Variants in FAM98B observed in about 807,000 individuals in gnomAD.
FAM98B encodes the protein tRNA splicing ligase complex subunit 3B.
FAM98B carries 32 observed loss-of-function variants against 43.9 expected under a neutral mutation model. The ratio of observed to expected loss-of-function variants is 0.73; its 90% CI spans 0.55 to 0.98. The LOEUF (loss-of-function observed/expected upper bound fraction) is 0.98. FAM98B is among the 50% of genes least tolerant of loss of function. The pLI is 0.00. For synonymous variants in FAM98B, 190 were observed against 174.0 expected (o/e 1.09, Z -0.72); for missense variants, 514 against 522.9 (o/e 0.98, Z 0.17).
intron 1 of FAM98B, among the ~76,000 whole-genome samples, chr15:38,462,206 A>G (rs1889960112): frequency 6.6e-6 from 1 of 152,218 alleles, no homozygotes; most frequent in South Asian, 2.1e-4. Context: ...TATCTGGAAA[A>G]GGAGACAAAA....
chr15:38,457,659 C>A (rs1265520426), intron 1 of FAM98B, among the ~76,000 whole-genome samples: 1 of 151,944 alleles, frequency 6.6e-6, no homozygotes. Context: ...ATAGGGTATA[C>A]ATACAGACAT....
chr15:38,454,933 G>A lies in FAM98B; in HGVS notation c.71+701G>A, dbSNP rs139114754. Among the ~76,000 whole-genome samples the A allele has an allele frequency of 1.6e-3, 240 of 152,188 alleles. 1 individual carries two copies. The highest frequency in any genetic ancestry group is 3.4e-3 in the Middle Eastern group (1 of 294). ...GCTGTGAGAACTCAGGGTGGAGGTG[G>A]GAGTAATGTTAATACTTAACAAGTG... is the stretch of plus-strand genomic sequence containing the variant. On this transcript the variant is annotated intron_variant, in intron 1 of 7. Coordinates refer to ENST00000397609, the MANE Select transcript of FAM98B (RefSeq NM_173611.4).
At chr15:38,460,094 C>CA (rs1889923682) in intron 1 of FAM98B, among the ~76,000 whole-genome samples, 1 of 152,158 alleles carries the variant, frequency 6.6e-6, no homozygotes, top group Non-Finnish European at 1.5e-5. Context: ...TTGGATCACC[C>CA]AGCTTGAAGT....
intron 4 of FAM98B, among the ~76,000 whole-genome samples, chr15:38,471,666 G>A (rs1278988255): frequency 6.6e-6 from 1 of 152,054 alleles, no homozygotes; most frequent in African/African-American, 2.4e-5. Context: ...ACTCTATTCA[G>A]TTTTTAACCA....
chr15:38,478,154 CA>C (rs1890232269), intron 6 of FAM98B, among the ~76,000 whole-genome samples: 1 of 152,206 alleles, frequency 6.6e-6, no homozygotes, highest in Non-Finnish European at 1.5e-5. Context: ...ATTCTTTCAA[CA>C]TTCAGTGACA....
chr15:38,475,058 A>G (rs1016692461), intron 6 of FAM98B, among the ~76,000 whole-genome samples: 6 of 149,284 alleles, frequency 4.0e-5, no homozygotes, highest in African/African-American at 1.5e-4. Context: ...GTGGAATTTC[A>G]GGTATTATTA....
chr15:38,480,317 C>T (rs1374414381), intron 6 of FAM98B, among the ~76,000 whole-genome samples: 1 of 152,006 alleles, frequency 6.6e-6, no homozygotes, highest in Non-Finnish European at 1.5e-5. Context: ...AAAGATAATC[C>T]TTTCCTTTTC....
Position 38,487,502 on chromosome 15 carries a change from G to T in FAM98B, c.*2843G>T, listed in dbSNP as rs1226973508. 6.6e-6 allele frequency: 1 copy of T among 152,056 alleles called. No homozygotes were observed. Among genetic ancestry groups the T allele is most frequent in the African/African-American group, 2.4e-5 (1 of 41,422 alleles). 9.4% of individuals were successfully genotyped at this position (152,056 alleles called of 1,614,324 possible). On this transcript the variant is annotated 3_prime_UTR_variant, in exon 8 of 8. Coordinates refer to ENST00000397609, the MANE Select transcript of FAM98B (RefSeq NM_173611.4). ...TTTATTACTTTGTATGAAGTATTAT[G>T]AATTGCCCAAATGATAAATACACCC...
At chr15:38,471,629 C>G (rs1194755846) in intron 4 of FAM98B, among the ~76,000 whole-genome samples, 1 of 152,088 alleles carries the variant, frequency 6.6e-6, no homozygotes, top group African/African-American at 2.4e-5. Flanking sequence ...GCCATCTTGG[C>G]TAAATATTTA....
chr15:38,476,933 G>C (rs1379053016), intron 6 of FAM98B, among the ~76,000 whole-genome samples: 1 of 151,924 alleles, frequency 6.6e-6, no homozygotes. Context: ...TGAGGCTGCA[G>C]TGAGCTATAA....
rs1254695320 is a variant in FAM98B at position 38,485,338 on chromosome 15, CAG to C, written c.*681_*682del. 1 of 152,232 alleles carries C rather than the reference CAG, an allele frequency of 6.6e-6. No individual in the cohort carries two copies. Among genetic ancestry groups the C allele is most frequent in the African/African-American group, 2.4e-5 (1 of 41,448 alleles). The allele number at this position is 152,232 out of a possible 1,614,324, so 9.4% of individuals were successfully genotyped here. ...ACAAAGCAAAGTTTAAGATTGAGGT[CAG>C]AAATACTTTAATGGAGCAAAGACAC... On this transcript the variant is annotated 3_prime_UTR_variant, in exon 8 of 8. Transcript: ENST00000397609.
rs1890154863 is a variant in FAM98B, at chr15:38,473,509, A to G, written c.536A>G (p.Lys179Arg). 6.3e-7 allele frequency: 1 copy of G among 1,599,496 alleles called. No individual in the cohort carries two copies. The highest frequency in any genetic ancestry group is 8.5e-7 in the Non-Finnish European group (1 of 1,173,156). Residue 179 changes from lysine (K) to arginine (R), a missense_variant, in exon 5 of 8, where the codon AAA becomes AGA. Around this residue, in one of 2 missense-constraint regions of FAM98B, gnomAD observed 469 missense variants for 451.8 expected, o/e 1.04. Coordinates refer to ENST00000397609, the MANE Select transcript of FAM98B (RefSeq NM_173611.4). ...ATCTTTTATATTTACTTTTAGGTGAAAGATATTCTCTCAAAGGTCCAGAAA... is the reference window on the plus strand; with the variant it reads ...ATCTTTTATATTTACTTTTAGGTGAGAGATATTCTCTCAAAGGTCCAGAAA... ...HMLNQVESKV[K>R]DILSKVQKNH...
At chr15:38,475,524 T>C (rs1890184503) in intron 6 of FAM98B, among the ~76,000 whole-genome samples, 1 of 152,210 alleles carries the variant, frequency 6.6e-6, no homozygotes, top group Admixed American at 6.5e-5. Flanking sequence ...CTGCATAGTT[T>C]AGCTGTTGGC....
chr15:38,479,083 C>T (rs555359575), intron 6 of FAM98B, among the ~76,000 whole-genome samples: 1 of 152,162 alleles, frequency 6.6e-6, no homozygotes, highest in East Asian at 1.9e-4. Context: ...GGCCTTCGCT[C>T]AGGCAGCTGG....
At chr15:38,468,389 A>T (rs7171968) in intron 3 of FAM98B, among the ~76,000 whole-genome samples, 95,385 of 151,790 alleles carry the variant, frequency 0.63, 30,118 homozygotes, top group South Asian at 0.77. Flanking sequence ...CATGCCTAGC[A>T]AATTTTTAAA....
At chr15:38,469,618 A>T (rs1317466163) in intron 3 of FAM98B, among the ~76,000 whole-genome samples, 1 of 152,222 alleles carries the variant, frequency 6.6e-6, no homozygotes, top group Non-Finnish European at 1.5e-5. Context: ...CTTGGTAGAC[A>T]TGTACTTACT....
At chr15:38,455,528 A>G (rs965383636) in intron 1 of FAM98B, among the ~76,000 whole-genome samples, 1 of 152,230 alleles carries the variant, frequency 6.6e-6, no homozygotes, top group African/African-American at 2.4e-5. Flanking sequence ...TCGTGAATAC[A>G]TATTTGTCAA....
intron 1 of FAM98B, among the ~76,000 whole-genome samples, chr15:38,461,269 A>T (rs1889941765): frequency 6.6e-6 from 1 of 152,224 alleles, no homozygotes; most frequent in African/African-American, 2.4e-5. Flanking sequence ...GCATTGTAAG[A>T]CATAGAGGAA....
intron 3 of FAM98B, among the ~76,000 whole-genome samples, chr15:38,469,211 C>CCT (rs368808636): frequency 0.26 from 39,631 of 152,054 alleles, 5,514 homozygotes; most frequent in East Asian, 0.52. Flanking sequence ...CAGCCAAAAA[C>CCT]AAAGTCTTAC....
Sources: gnomAD v4.1 joint callset for allele counts (sites outside exome capture counted in the v4.1 genomes callset) on GRCh38, gnomAD v4.1.1 for gene constraint, gnomAD v4.1.1 regional missense constraint, MANE v1.5 for transcripts, NCBI Gene and HGNC (gene_info 2026-07-23, HGNC 2026-07-21) for gene names.